Variants in PCSK6 observed in about 807,000 individuals in gnomAD.
The protein encoded by PCSK6 is paired basic amino acid cleaving enzyme 4.
A neutral mutation model predicts 123.3 loss-of-function variants in PCSK6; 85 were observed. The ratio of observed to expected loss-of-function variants is 0.69; its 90% confidence interval spans 0.58 to 0.83. The LOEUF (loss-of-function observed/expected upper bound fraction) is 0.83. PCSK6 is among the 40% of genes least tolerant of loss of function. The pLI, the probability that PCSK6 is intolerant of heterozygous loss-of-function variation, is 0.00. For missense variants in PCSK6, 1,191 were observed against 1,282.3 expected (o/e 0.93, Z 1.09); for synonymous variants, 508 against 516.0 (o/e 0.98, Z 0.21).
chr15:101,465,271 G>A (rs1330634926), intron 1 of PCSK6, among the ~76,000 whole-genome samples: 8 of 152,102 alleles, frequency 5.3e-5, no homozygotes, highest in South Asian at 2.1e-4. Flanking sequence ...AGGGACACAC[G>A]CTGACCTCCC....
intron 2 of PCSK6, among the ~76,000 whole-genome samples, chr15:101,433,416 G>A (rs1429299826): frequency 6.6e-6 from 1 of 152,228 alleles, no homozygotes; most frequent in Non-Finnish European, 1.5e-5. Context: ...TACCACGGCA[G>A]CTCCACCTGA....
At chr15:101,310,496 A>G (rs946022517) in intron 20 of PCSK6, among the ~76,000 whole-genome samples, 2 of 152,228 alleles carry the variant, frequency 1.3e-5, no homozygotes, top group African/African-American at 2.4e-5. Flanking sequence ...CTGGATTGCT[A>G]TATTTAATTA....
intron 13 of PCSK6, among the ~76,000 whole-genome samples, chr15:101,339,390 C>A (rs1334697601): frequency 6.6e-6 from 1 of 152,102 alleles, no homozygotes; most frequent in Non-Finnish European, 1.5e-5. Flanking sequence ...GAAGTTTCTT[C>A]CTTCTGAGAT....
chr15:101,448,763 A>G (rs1023734272), intron 1 of PCSK6, among the ~76,000 whole-genome samples: 5 of 152,184 alleles, frequency 3.3e-5, no homozygotes, highest in Non-Finnish European at 5.9e-5. Context: ...CATGGTTAAG[A>G]TTGTTAGTTA....
chr15:101,434,777 C>T (rs1201274886), intron 2 of PCSK6, among the ~76,000 whole-genome samples: 1 of 146,070 alleles, frequency 6.8e-6, no homozygotes, highest in Non-Finnish European at 1.5e-5. Context: ...AGGCAGACAG[C>T]GCGGTGGCAG....
chr15:101,337,218 T>C (rs2040502847), intron 13 of PCSK6: 1 of 152,224 alleles, frequency 6.6e-6, no homozygotes, highest in South Asian at 2.1e-4. Flanking sequence ...TTTGCCAGGA[T>C]GGTCTTGGTC....
At chr15:101,433,885 A>G (rs2056520962) in intron 2 of PCSK6, among the ~76,000 whole-genome samples, 1 of 152,190 alleles carries the variant, frequency 6.6e-6, no homozygotes, top group South Asian at 2.1e-4. Context: ...GCCGGAAGAG[A>G]GGCATCCCAG....
intron 5 of PCSK6, 90 bp downstream of exon 5, chr15:101,429,897 A>T: frequency 8.7e-7 from 1 of 1,144,506 alleles, no homozygotes; most frequent in Non-Finnish European, 1.3e-6. Context: ...GCCGGCAGCC[A>T]CCGCCTCTCC....
chr15:101,409,509 C>T (rs941316579), intron 6 of PCSK6, among the ~76,000 whole-genome samples: 18 of 149,092 alleles, frequency 1.2e-4, no homozygotes, highest in Admixed American at 8.8e-4. Flanking sequence ...GGCGTGAACC[C>T]GGGAGGCGGA....
At chr15:101,421,578 G>A (rs561001695) in intron 6 of PCSK6, among the ~76,000 whole-genome samples, 2 of 152,264 alleles carry the variant, frequency 1.3e-5, no homozygotes, top group East Asian at 3.9e-4. Context: ...ACCATGTTAT[G>A]GGGACACTCA....
chr15:101,346,649 A>G (rs1312074410), intron 13 of PCSK6: 3 of 702,016 alleles, frequency 4.3e-6, no homozygotes, highest in Non-Finnish European at 5.9e-6. Context: ...GGAATGCCCA[A>G]GCGTACCTCA....
At chr15:101,339,251 G>A (rs998937332) in intron 13 of PCSK6, among the ~76,000 whole-genome samples, 4 of 152,198 alleles carry the variant, frequency 2.6e-5, no homozygotes, top group African/African-American at 7.2e-5. Flanking sequence ...ACAATATAGA[G>A]TTTAATTAAT....
At chr15:101,416,191 G>A (rs1202686136) in intron 6 of PCSK6, among the ~76,000 whole-genome samples, 1 of 152,204 alleles carries the variant, frequency 6.6e-6, no homozygotes, top group Admixed American at 6.5e-5. Context: ...TCCATGGTCA[G>A]GTGGTCTCAG....
At chr15:101,449,515 T>C (rs2056978647) in intron 1 of PCSK6, among the ~76,000 whole-genome samples, 1 of 152,190 alleles carries the variant, frequency 6.6e-6, no homozygotes, top group African/African-American at 2.4e-5. Context: ...AGGTAGGTCC[T>C]TGGTTTTCCC....
At chr15:101,340,957 T>C (rs2040589985) in intron 13 of PCSK6, among the ~76,000 whole-genome samples, 1 of 151,728 alleles carries the variant, frequency 6.6e-6, no homozygotes, top group Admixed American at 6.6e-5. Flanking sequence ...TTTTTTTTTT[T>C]TTTTTTGAGA....
intron 1 of PCSK6, among the ~76,000 whole-genome samples, chr15:101,464,376 T>C (rs1043077391): frequency 3.3e-5 from 5 of 151,956 alleles, no homozygotes; most frequent in African/African-American, 1.2e-4. Context: ...GGTGGTTCCC[T>C]CACAATTTGG....
Position 101,397,921 on chromosome 15 carries a change from C to T in PCSK6, c.996+483G>A, listed in dbSNP as rs181794179. 4.6e-4 allele frequency among the ~76,000 whole-genome samples: 70 copies of T among 152,334 alleles called. 1 individual carries two copies. The highest frequency in any genetic ancestry group is 3.4e-3 in the Middle Eastern group (1 of 294). ...GAAGTTCAAAGTGGGCTGGGCTGTG[C>T]GCTGGTGGGGGACACCCCGACCACT... On this transcript the variant is annotated intron_variant, in intron 7 of 21. Coordinates refer to ENST00000611716, the MANE Select transcript of PCSK6 (RefSeq NM_002570.5).
intron 11 of PCSK6, among the ~76,000 whole-genome samples, chr15:101,374,198 C>T (rs1207608532): frequency 6.6e-6 from 1 of 152,244 alleles, no homozygotes; most frequent in Non-Finnish European, 1.5e-5. Flanking sequence ...CACCCGCTCC[C>T]TTCTCCTGAG....
intron 6 of PCSK6, among the ~76,000 whole-genome samples, chr15:101,409,081 C>T (rs892907150): frequency 3.9e-5 from 6 of 152,234 alleles, no homozygotes; most frequent in African/African-American, 1.2e-4. Flanking sequence ...CTGCGGTCTC[C>T]AGCTGCCCTT....
Sources: gnomAD v4.1 joint callset for allele counts (sites outside exome capture counted in the v4.1 genomes callset) on GRCh38, gnomAD v4.1.1 for gene constraint, MANE v1.5 for transcripts, NCBI Gene and HGNC (gene_info 2026-07-23, HGNC 2026-07-21) for gene names.